The following MYLK variants were observed in gnomAD, a reference collection of about 807,000 sequenced individuals.
MYLK encodes myosin light chain kinase, smooth muscle.
In MYLK, 106 loss-of-function variants were observed where a neutral mutation model predicts 203.4. The ratio of observed to expected loss-of-function variants is 0.52; its 90% CI spans 0.45 to 0.61. The LOEUF (loss-of-function observed/expected upper bound fraction) is 0.61. MYLK is among the 20% of genes least tolerant of loss of function. The pLI is 0.00. For synonymous variants in MYLK, 867 were observed against 959.5 expected (o/e 0.90, Z 1.78); for missense variants, 2,072 against 2,442.3 (o/e 0.85, Z 3.20).
Position 123,746,018 on chromosome 3 carries a change from T to G in MYLK, c.374-6017A>C, listed in dbSNP as rs191401883. On this transcript the variant is annotated intron_variant, in intron 5 of 33. Coordinates refer to ENST00000360304, the MANE Select transcript of MYLK (RefSeq NM_053025.4). ...GATTATAGGCACCCACCACCACATA[T>G]GGCTAATTTTTATGTTTTTAGTAGA... 6.8e-4 allele frequency among the ~76,000 whole-genome samples: 103 copies of G among 151,886 alleles called. 1 individual carries two copies. The highest frequency in any genetic ancestry group is 2.4e-3 in the African/African-American group (101 of 41,452).
intron 4 of MYLK, among the ~76,000 whole-genome samples, chr3:123,756,277 C>A (rs2063356630): frequency 6.6e-6 from 1 of 152,190 alleles, no homozygotes; most frequent in Non-Finnish European, 1.5e-5. Flanking sequence ...TATCTGCTCC[C>A]CACTTTTGGA....
chr3:123,778,913 T>A (rs1318014452), intron 4 of MYLK, among the ~76,000 whole-genome samples: 6 of 152,194 alleles, frequency 3.9e-5, no homozygotes, highest in Non-Finnish European at 4.4e-5. Flanking sequence ...ACAAAGTGCC[T>A]CCACGAATGA....
intron 3 of MYLK, chr3:123,814,162 T>C (rs1262875791): frequency 5.7e-6 from 2 of 353,386 alleles, no homozygotes; most frequent in African/African-American, 2.1e-5. Context: ...TCATGGGCCC[T>C]GTTCCTGTGT....
At chr3:123,668,064 A>G (rs144484944) in intron 20 of MYLK, among the ~76,000 whole-genome samples, 1 of 152,326 alleles carries the variant, frequency 6.6e-6, no homozygotes, top group Non-Finnish European at 1.5e-5. Flanking sequence ...CTCAAACAGA[A>G]CAGTCATGCA....
intron 2 of MYLK, among the ~76,000 whole-genome samples, chr3:123,833,019 A>G (rs2066382130): frequency 6.6e-6 from 1 of 152,068 alleles, no homozygotes; most frequent in Admixed American, 6.5e-5. Context: ...ACACTTTGAA[A>G]AGGAAACGGG....
rs115548947 is a variant in MYLK, at chr3:123,661,170, C to T, written c.3985+2935G>A. 9.9e-3 allele frequency among the ~76,000 whole-genome samples: 1,505 copies of T among 152,260 alleles called. 14 individuals are homozygous for T. Among genetic ancestry groups the T allele is most frequent in the African/African-American group, 0.031 (1,289 of 41,536 alleles). On this transcript the variant is annotated intron_variant, in intron 23 of 33. Coordinates refer to ENST00000360304, the MANE Select transcript of MYLK (RefSeq NM_053025.4). ...AAACCATAAAAGGCCAGAACTGCAG[C>T]CCGCGTAGTGGTGATCGGAGGAGGG...
rs774553050 is a variant in MYLK, at chr3:123,667,145, G to A, written c.3695C>T (p.Pro1232Leu). 1.1e-5 allele frequency: 17 copies of A among 1,613,978 alleles called. No homozygotes were observed. In the Admixed American group the frequency reaches 1.2e-4, roughly 11 times the overall value. Residue 1232 changes from proline (P) to leucine (L), a missense_variant, in exon 21 of 34, where the codon CCG becomes CTG. Around this residue, in one of 3 missense-constraint regions of MYLK, gnomAD observed 865 missense variants for 1,016.0 expected, o/e 0.85. Coordinates refer to ENST00000360304, the MANE Select transcript of MYLK (RefSeq NM_053025.4). ...VKKKPAPKTP[P>L]KAAMPPQIIQ... ...GTGCCGTGGCCAATTACCTGCCTTC[G>A]GAGGTGTCTTGGGGGCAGGTTTCTT... is the stretch of plus-strand genomic sequence containing the variant.
Position 123,612,550 on chromosome 3 carries a change from T to G in MYLK, c.*1555A>C, listed in dbSNP as rs1289941029. On this transcript the variant is annotated 3_prime_UTR_variant, in exon 34 of 34. Coordinates refer to ENST00000360304, the MANE Select transcript of MYLK (RefSeq NM_053025.4). ...AATGCGCTAAATCAAATAAAAACCC[T>G]TTATTATAATAAACTGTGGCAATAC... is the stretch of plus-strand genomic sequence containing the variant. 6.6e-6 allele frequency: 1 copy of G among 152,606 alleles called. No individual in the cohort carries two copies. The highest frequency in any genetic ancestry group is 1.5e-5 in the Non-Finnish European group (1 of 68,030). The allele number at this position is 152,606 out of a possible 1,614,324, so 9.5% of individuals were successfully genotyped here.
chr3:123,625,331 T>C (rs1365615165), intron 31 of MYLK: 2 of 152,250 alleles, frequency 1.3e-5, no homozygotes, highest in African/African-American at 4.8e-5. Flanking sequence ...GTTGCTTCAG[T>C]TCCCCATTGC....
At chr3:123,638,834 C>T (rs915650031) in intron 28 of MYLK, 18 of 985,320 alleles carry the variant, frequency 1.8e-5, no homozygotes, top group South Asian at 1.4e-4. Context: ...CAGGGTGGTA[C>T]CTCTTGGCCA....
intron 21 of MYLK, 69 bp downstream of exon 21, chr3:123,667,068 A>G: frequency 7.0e-7 from 1 of 1,433,480 alleles, no homozygotes; most frequent in Non-Finnish European, 9.9e-7. Context: ...GTGTCAGTCT[A>G]GCAAGGTAAA....
chr3:123,657,200 C>T lies in MYLK; in HGVS notation c.4214G>A (p.Arg1405His), dbSNP rs745547260. ...LPDHEYKFRV[R>H]AINVYGTSEP... ...ACTGGTTCCATACACGTTGATTGCA[C>T]GTACACGGAACTTATATTCGTGGTC... Residue 1405 changes from arginine to histidine, a missense_variant, in exon 24 of 34, where the codon CGT (arginine) becomes CAT (histidine). Coordinates refer to ENST00000360304, the MANE Select transcript of MYLK (RefSeq NM_053025.4). 60 of 1,614,068 alleles carry T rather than the reference C, an allele frequency of 3.7e-5. No homozygotes were observed. Among genetic ancestry groups the T allele is most frequent in the East Asian group, 4.5e-5 (2 of 44,902 alleles).
intron 8 of MYLK, among the ~76,000 whole-genome samples, chr3:123,736,220 T>C (rs970827164): frequency 6.6e-6 from 1 of 152,190 alleles, no homozygotes; most frequent in African/African-American, 2.4e-5. Context: ...TCAGGATGGT[T>C]TCCTGAAACT....
intron 3 of MYLK, among the ~76,000 whole-genome samples, chr3:123,816,021 C>A (rs2065737447): frequency 6.6e-6 from 1 of 152,214 alleles, no homozygotes; most frequent in Admixed American, 6.5e-5. Flanking sequence ...TGCCTATGAG[C>A]AGGACCTGGG....
intron 4 of MYLK, among the ~76,000 whole-genome samples, chr3:123,756,418 T>A (rs1270567582): frequency 1.3e-5 from 2 of 152,096 alleles, no homozygotes; most frequent in East Asian, 3.9e-4. Flanking sequence ...AGAGTCAGTG[T>A]GGTACAGAGA....
intron 5 of MYLK, among the ~76,000 whole-genome samples, chr3:123,743,944 G>C (rs2062937614): frequency 6.6e-6 from 1 of 152,212 alleles, no homozygotes; most frequent in African/African-American, 2.4e-5. Flanking sequence ...AGGATAGCAG[G>C]AGAAAGCTAG....
In MYLK at chr3:123,880,506, A is replaced by G. The variant is rs1230659233; in HGVS notation, c.-186+3700T>C. On this transcript the variant is annotated intron_variant, in intron 1 of 33. Transcript: ENST00000360304. ...AGAAGCAGGTCTGAAAGAAAAGGAA[A>G]TCCTCTCCTCATCCCTTTTCTTTTG... Among the ~76,000 whole-genome samples the G allele has an allele frequency of 3.3e-5, 5 of 152,186 alleles. No individual in the cohort carries two copies. In the East Asian group the frequency reaches 9.7e-4, roughly 29 times the overall value.
chr3:123,828,288 A>G (rs991896371), intron 3 of MYLK, among the ~76,000 whole-genome samples: 26 of 152,278 alleles, frequency 1.7e-4, no homozygotes, highest in African/African-American at 6.0e-4. Flanking sequence ...TAGAGAACCC[A>G]GAAATTAATC....
In MYLK at chr3:123,701,454, C is replaced by A; in HGVS notation, c.2446G>T (p.Ala816Ser). The A allele has an allele frequency of 6.2e-7, 1 of 1,614,074 alleles. No homozygotes were observed. The highest frequency in any genetic ancestry group is 1.1e-5 in the South Asian group (1 of 91,082). Residue 816 changes from alanine (A) to serine (S), a missense_variant, in exon 17 of 34, where the codon GCC becomes TCC. Ala to Ser is a moderately conservative substitution (Grantham distance 99). Transcript: ENST00000360304. ...GGCACTCACCGTGGAAGGGCTCTGG[C>A]AGAGCTGTTCTGTAGCATCAGTGAC... ...QVSLMLQNSS[A>S]RALPRGREPA...
Sources: gnomAD v4.1 joint callset for allele counts (sites outside exome capture counted in the v4.1 genomes callset) on GRCh38, gnomAD v4.1.1 for gene constraint, gnomAD v4.1.1 regional missense constraint, MANE v1.5 for transcripts, NCBI Gene and HGNC (gene_info 2026-07-23, HGNC 2026-07-21) for gene names.